Variants in ZNF367 observed in about 807,000 individuals in gnomAD.
The protein encoded by ZNF367 is zinc finger protein 367, also known as C2H2 zinc finger protein ZFF29.
Under a neutral mutation model 31.8 loss-of-function variants are expected in ZNF367, and 11 were observed. The observed-to-expected ratio is 0.35, with a 90% confidence interval of 0.22 to 0.57. ZNF367 has a LOEUF of 0.57. Among genes scored for constraint, ZNF367 ranks in the 20% least tolerant of loss-of-function variants. The pLI is 0.85. For synonymous variants in ZNF367, 199 were observed against 202.4 expected, an observed-to-expected ratio of 0.98 and a Z score of 0.14; for missense variants, 353 against 484.1, an observed-to-expected ratio of 0.73 and a Z score of 2.54.
chr9:96,410,460 G>A (rs1181563228), intron 1 of ZNF367, among the ~76,000 whole-genome samples: 2 of 150,742 alleles, frequency 1.3e-5, no homozygotes, highest in East Asian at 3.9e-4. Flanking sequence ...TACTCGGGAG[G>A]CTGAGGCAGG....
rs774271938 is a variant in ZNF367, at chr9:96,417,885, G to C, written c.148C>G (p.Pro50Ala). The C allele has an allele frequency of 1.6e-5, 24 of 1,516,694 alleles. No homozygotes were observed. Among genetic ancestry groups the C allele is most frequent in the Non-Finnish European group, 2.0e-5 (23 of 1,141,500 alleles). 94.0% of individuals were successfully genotyped at this position (1,516,694 alleles called of 1,614,324 possible). The change falls in exon 1 of 5, where the codon CCG becomes GCG. Residue 50 changes from proline (P) to alanine (A), a missense_variant. Pro to Ala is a conservative substitution (Grantham distance 27). Transcript: ENST00000375256. This position sits in a 1 kb window ranked among gnomAD's most constrained non-coding sequence, Gnocchi z 5.0. ...GGGATGAGCGGCGGCGGCGGCTCCGGCTCCCCTCCACCGCCGCACGTTGGC... is the reference window on the plus strand; with the variant it reads ...GGGATGAGCGGCGGCGGCGGCTCCGCCTCCCCTCCACCGCCGCACGTTGGC... Reference protein sequence around the residue: ...IKPTCGGGGEPEPPPPLIPTS... With the variant: ...IKPTCGGGGEAEPPPPLIPTS...
In ZNF367 at chr9:96,388,203, G is replaced by A; in HGVS notation, c.*34C>T. The stretch of plus-strand genomic sequence containing the variant: ...ATCTACTTTTTAAGTATGCTGGGCA[G>A]TACTTTTGTACAGTGGAAGAGTCAG... On this transcript the variant is annotated 3_prime_UTR_variant, in exon 5 of 5. Transcript: ENST00000375256. The A allele has an allele frequency of 1.9e-6, 3 of 1,573,772 alleles. No homozygotes were observed. The highest frequency in any genetic ancestry group is 2.6e-6 in the Non-Finnish European group (3 of 1,159,080).
intron 1 of ZNF367, among the ~76,000 whole-genome samples, chr9:96,401,182 C>T (rs560628912): frequency 2.6e-5 from 4 of 151,976 alleles, no homozygotes; most frequent in Non-Finnish European, 2.9e-5. Context: ...GCCATGATCG[C>T]GCCACTGGAC....
At chr9:96,406,223 T>C (rs1831669791) in intron 1 of ZNF367, among the ~76,000 whole-genome samples, 1 of 152,230 alleles carries the variant, frequency 6.6e-6, no homozygotes, top group South Asian at 2.1e-4. Context: ...AAAAGGATCA[T>C]ATACAACTAC....
At chr9:96,399,804 C>G (rs555593417) in intron 1 of ZNF367, among the ~76,000 whole-genome samples, 2 of 152,124 alleles carry the variant, frequency 1.3e-5, no homozygotes, top group East Asian at 1.9e-4. Context: ...GGTGACAGAG[C>G]AAGACTCCAT....
intron 1 of ZNF367, among the ~76,000 whole-genome samples, chr9:96,403,434 C>A (rs909134619): frequency 1.3e-5 from 2 of 152,224 alleles, no homozygotes; most frequent in Non-Finnish European, 1.5e-5. Context: ...CCAAAGCAAT[C>A]TTACAGCCAC....
chr9:96,408,582 T>TC (rs1481665647), intron 1 of ZNF367, among the ~76,000 whole-genome samples: 2 of 152,158 alleles, frequency 1.3e-5, no homozygotes, highest in African/African-American at 4.8e-5. Flanking sequence ...CATCAAACTC[T>TC]TAGAAGAGTG....
At chr9:96,389,054 T>A (rs1489796016) in intron 4 of ZNF367, among the ~76,000 whole-genome samples, 1 of 152,122 alleles carries the variant, frequency 6.6e-6, no homozygotes, top group Admixed American at 6.5e-5. Flanking sequence ...ATCCTAGCAC[T>A]TTGGGAGGCA....
chr9:96,407,884 G>C (rs560667368), intron 1 of ZNF367: 2 of 485,956 alleles, frequency 4.1e-6, no homozygotes, highest in Non-Finnish European at 7.2e-6. Context: ...GGAATTACAG[G>C]CATGAGCCAC....
chr9:96,415,477 TCA>T (rs1167528102), intron 1 of ZNF367, among the ~76,000 whole-genome samples: 6 of 132,004 alleles, frequency 4.5e-5, no homozygotes, highest in African/African-American at 1.7e-4. Flanking sequence ...GTTAGTTTCT[TCA>T]TTTTTTTTTT....
Position 96,417,478 on chromosome 9 carries a change from C to A in ZNF367, c.420+135G>T. ...GCCGGTTTTTGGCGCGCGGCAGTGA[C>A]GTCAGCATCCTGTCAGCCGCAGCCC... On this transcript the variant is annotated intron_variant, in intron 1 of 4. Coordinates refer to ENST00000375256, the MANE Select transcript of ZNF367 (RefSeq NM_153695.4). This position sits in a 1 kb window ranked among gnomAD's most constrained non-coding sequence, Gnocchi z 5.0. The A allele has an allele frequency of 4.0e-6, 1 of 251,914 alleles. No individual in the cohort carries two copies. The highest frequency in any genetic ancestry group is 7.2e-5 in the East Asian group (1 of 13,880). The allele number at this position is 251,914 out of a possible 1,614,324, so 15.6% of individuals were successfully genotyped here.
Position 96,403,893 on chromosome 9 carries a change from C to T in ZNF367, c.421-5579G>A, listed in dbSNP as rs73536956. On this transcript the variant is annotated intron_variant, in intron 1 of 4. Transcript: ENST00000375256. ...TGTACCACAGAGCTAAATATAAGAA[C>T]GAAAACTATAGAGCTCTTAGCTGGA... Among the ~76,000 whole-genome samples the T allele has an allele frequency of 2.5e-3, 380 of 152,238 alleles. 1 individual carries two copies. Among genetic ancestry groups the T allele is most frequent in the African/African-American group, 8.6e-3 (357 of 41,552 alleles).
Position 96,418,290 on chromosome 9 carries a change from C to T in ZNF367, c.-258G>A. The T allele has an allele frequency of 2.3e-6, 1 of 437,772 alleles. No homozygotes were observed. The highest frequency in any genetic ancestry group is 3.8e-6 in the Non-Finnish European group (1 of 264,934). 27.1% of individuals were successfully genotyped at this position (437,772 alleles called of 1,614,324 possible). A position where few individuals can be genotyped will look rare whatever the true frequency, so the allele number is the denominator to read the frequency against. On this transcript the variant is annotated 5_prime_UTR_variant, in exon 1 of 5. Coordinates refer to ENST00000375256, the MANE Select transcript of ZNF367 (RefSeq NM_153695.4). ...CGCAGGCTGCAGGGGTGGGAAGCAG[C>T]GGGCGGCCCGGCCCTTGCGGTGACA...
chr9:96,417,590 G>C lies in ZNF367; in HGVS notation c.420+23C>G. Reference sequence around the variant, plus strand: ...GCCCCGGCTGCCCCACGTCCCGCCCGCCCGCCCGCCCGCGCCGCTCACCTT... The same window carrying C: ...GCCCCGGCTGCCCCACGTCCCGCCCCCCCGCCCGCCCGCGCCGCTCACCTT... On this transcript the variant is annotated intron_variant, in intron 1 of 4. Transcript: ENST00000375256. This position sits in a 1 kb window ranked among gnomAD's most constrained non-coding sequence, Gnocchi z 5.0. 2.3e-6 allele frequency: 1 copy of C among 442,156 alleles called. No homozygotes were observed. Among genetic ancestry groups the C allele is most frequent in the Non-Finnish European group, 3.6e-6 (1 of 280,308 alleles). The allele number at this position is 442,156 out of a possible 1,614,324, so 27.4% of individuals were successfully genotyped here. A position where few individuals can be genotyped will look rare whatever the true frequency, so the allele number is the denominator to read the frequency against.
intron 4 of ZNF367, among the ~76,000 whole-genome samples, chr9:96,391,955 T>C (rs113582235): frequency 0.015 from 2,343 of 152,274 alleles, 65 homozygotes; most frequent in African/African-American, 0.053. Context: ...AATTTTTGTA[T>C]TTTTAGTAAA....
At chr9:96,403,901 A>C (rs1423388340) in intron 1 of ZNF367, among the ~76,000 whole-genome samples, 7 of 152,218 alleles carry the variant, frequency 4.6e-5, no homozygotes, top group Non-Finnish European at 8.8e-5. Flanking sequence ...AACGAAAACT[A>C]TAGAGCTCTT....
intron 4 of ZNF367, among the ~76,000 whole-genome samples, chr9:96,391,488 C>T (rs1831471468): frequency 6.6e-6 from 1 of 152,082 alleles, no homozygotes; most frequent in African/African-American, 2.4e-5. Flanking sequence ...TTGAGAAACC[C>T]ACAGCCCAGC....
At position 96,386,271 on chromosome 9, in the gene ZNF367, A is replaced by G. The variant is rs1831408827; in HGVS notation, c.*1966T>C. 1 of 152,206 alleles carries G rather than the reference A, an allele frequency of 6.6e-6. No homozygotes were observed. Among genetic ancestry groups the G allele is most frequent in the African/African-American group, 2.4e-5 (1 of 41,466 alleles). The allele number at this position is 152,206 out of a possible 1,614,324, so 9.4% of individuals were successfully genotyped here. A position where few individuals can be genotyped will look rare whatever the true frequency, so the allele number is the denominator to read the frequency against. ...TAGAGTTGACAAAAGCTGACTGGAG[A>G]AACAAGGAAAAACCCTTACTTTTGA... is the stretch of plus-strand genomic sequence containing the variant. On this transcript the variant is annotated 3_prime_UTR_variant, in exon 5 of 5. Coordinates refer to ENST00000375256, the MANE Select transcript of ZNF367 (RefSeq NM_153695.4).
At chr9:96,396,843 T>A (rs1211152714) in intron 2 of ZNF367, among the ~76,000 whole-genome samples, 1 of 152,070 alleles carries the variant, frequency 6.6e-6, no homozygotes, top group East Asian at 1.9e-4. Flanking sequence ...AATTTTGTAT[T>A]TTTAGTAGAG....
Sources: gnomAD v4.1 joint callset for allele counts (sites outside exome capture counted in the v4.1 genomes callset) on GRCh38, gnomAD v4.1.1 for gene constraint, Gnocchi (gnomAD v3.1) non-coding constraint, MANE v1.5 for transcripts, NCBI Gene and HGNC (gene_info 2026-07-23, HGNC 2026-07-21) for gene names.